The following LRP1B variants were observed in gnomAD, a reference collection of about 807,000 sequenced individuals.
The protein encoded by LRP1B is low-density lipoprotein receptor-related protein 1B.
A neutral mutation model predicts 556.6 loss-of-function variants in LRP1B; 217 were observed. That is an observed-to-expected ratio of 0.39 (90% CI 0.35 to 0.44). LRP1B has a LOEUF of 0.44. LRP1B is among the 20% of genes least tolerant of loss of function. LRP1B has a pLI of 1.00. For synonymous variants in LRP1B, 2,047 were observed against 1,865.8 expected (o/e 1.10, Z -2.50); for missense variants, 5,053 against 5,620.8 (o/e 0.90, Z 3.23).
At chr2:140,557,032 G>A (rs1216582826) in intron 43 of LRP1B, among the ~76,000 whole-genome samples, 1 of 152,040 alleles carries the variant, frequency 6.6e-6, no homozygotes, top group Admixed American at 6.6e-5. Context: ...AACTACTACG[G>A]GTTCTGACTA....
chr2:140,411,785 A>C (rs571074477), intron 66 of LRP1B, among the ~76,000 whole-genome samples: 1 of 152,280 alleles, frequency 6.6e-6, no homozygotes, highest in East Asian at 1.9e-4. Flanking sequence ...AACATGTATG[A>C]GAAAGTACCT....
At chr2:141,330,248 A>G (rs1687591606) in intron 3 of LRP1B, among the ~76,000 whole-genome samples, 1 of 152,210 alleles carries the variant, frequency 6.6e-6, no homozygotes, top group Non-Finnish European at 1.5e-5. Context: ...ATATGTCCCA[A>G]TTACATTTTT....
chr2:141,254,736 T>C (rs904920000), intron 3 of LRP1B, 95 bp from the exon 4 acceptor site: 12 of 920,274 alleles, frequency 1.3e-5, no homozygotes, highest in Non-Finnish European at 3.1e-6. Context: ...TAGTCTTGAT[T>C]GTTCTCCCAG....
At chr2:142,080,451 G>A (rs531425095) in intron 1 of LRP1B, among the ~76,000 whole-genome samples, 20 of 152,170 alleles carry the variant, frequency 1.3e-4, no homozygotes, top group African/African-American at 4.8e-4. Context: ...TCACATTTCG[G>A]TCTTTGTCTT....
intron 66 of LRP1B, among the ~76,000 whole-genome samples, chr2:140,399,870 T>C (rs892092558): frequency 6.6e-6 from 1 of 152,222 alleles, no homozygotes; most frequent in African/African-American, 2.4e-5. Flanking sequence ...TGTAAGCTAG[T>C]TTCTTGGCCC....
rs869235931 is a variant in LRP1B at position 140,843,100 on chromosome 2, G to GT, written c.4940-2009dup. ...TTTTTTGTTTGTTTTTTTTTTTTTT[G>GT]TTTTTTTTTTGGTGGTGGGGGGTGA... On this transcript the variant is annotated intron_variant, in intron 29 of 90. Coordinates refer to ENST00000389484, the MANE Select transcript of LRP1B (RefSeq NM_018557.3). Among the ~76,000 whole-genome samples, 26 of 27,976 alleles carry GT rather than the reference G, an allele frequency of 9.3e-4. 2 individuals carry two copies. Among genetic ancestry groups the GT allele is most frequent in the Middle Eastern group, 0.018 (1 of 56 alleles). The allele number at this position is 27,976 out of a possible 152,430, so 18.4% of individuals were successfully genotyped here.
intron 1 of LRP1B, among the ~76,000 whole-genome samples, chr2:141,898,881 A>G (rs1177872235): frequency 6.6e-6 from 1 of 152,128 alleles, no homozygotes; most frequent in Non-Finnish European, 1.5e-5. Flanking sequence ...AAGATGTGCA[A>G]CCCTGTCATT....
chr2:140,748,704 G>GTA (rs1302480467), intron 35 of LRP1B, among the ~76,000 whole-genome samples: 70 of 119,192 alleles, frequency 5.9e-4, no homozygotes, highest in South Asian at 2.0e-3. Context: ...TAAGTCCTAT[G>GTA]TATATATATA....
chr2:141,233,795 T>C (rs940545119), intron 5 of LRP1B, among the ~76,000 whole-genome samples: 5 of 152,216 alleles, frequency 3.3e-5, no homozygotes, highest in African/African-American at 4.8e-5. Context: ...CTAGTTTCCT[T>C]CTAAGTGATT....
chr2:141,298,345 A>G (rs915652552), intron 3 of LRP1B, among the ~76,000 whole-genome samples: 15 of 152,128 alleles, frequency 9.9e-5, no homozygotes, highest in Admixed American at 2.0e-4. Flanking sequence ...GCCACTCTAG[A>G]AAAACTAATC....
At chr2:140,866,124 A>T (rs962984156) in intron 27 of LRP1B, among the ~76,000 whole-genome samples, 4 of 152,146 alleles carry the variant, frequency 2.6e-5, no homozygotes, top group Non-Finnish European at 5.9e-5. Flanking sequence ...CTGAACATAC[A>T]AATTATTATT....
chr2:140,898,776 C>A, intron 23 of LRP1B: 1 of 576,738 alleles, frequency 1.7e-6, no homozygotes, highest in Non-Finnish European at 3.3e-6. Flanking sequence ...CTCTGGGAAC[C>A]AACTGGGAGC....
chr2:140,295,162 G>A (rs1284851564), intron 84 of LRP1B, among the ~76,000 whole-genome samples: 1 of 152,148 alleles, frequency 6.6e-6, no homozygotes, highest in Non-Finnish European at 1.5e-5. Context: ...ACAGGTGTGA[G>A]CCACTGCGCC....
chr2:140,335,886 A>T (rs1681066171), intron 77 of LRP1B, 48 bp from the exon 78 acceptor site: 1 of 1,219,578 alleles, frequency 8.2e-7, no homozygotes, highest in African/African-American at 1.5e-5. Context: ...ACAGGAAATT[A>T]GCGGAGTTTT....
chr2:141,254,051 A>G (rs1684369038), intron 4 of LRP1B, among the ~76,000 whole-genome samples: 1 of 152,128 alleles, frequency 6.6e-6, no homozygotes, highest in African/African-American at 2.4e-5. Context: ...GCAAGAATCC[A>G]GACATTTAAA....
chr2:140,863,487 T>C (rs1330665453), intron 27 of LRP1B, among the ~76,000 whole-genome samples: 2 of 152,224 alleles, frequency 1.3e-5, no homozygotes, highest in African/African-American at 4.8e-5. Context: ...TGCACACTTA[T>C]GTTTAACATC....
At chr2:141,776,669 T>A (rs1189829545) in intron 2 of LRP1B, among the ~76,000 whole-genome samples, 1 of 152,222 alleles carries the variant, frequency 6.6e-6, no homozygotes. Flanking sequence ...ATGATCATGT[T>A]CAAAATTTGA....
Position 140,239,497 on chromosome 2 carries a change from C to A in LRP1B, c.13360G>T (p.Val4454Leu), listed in dbSNP as rs1023891103. Reference sequence around the variant, plus strand: ...ATTACTAAGGTGGTTATCAAAGTCACCAAGAGGACGAGAGGCACAATGATG... The same window carrying A: ...ATTACTAAGGTGGTTATCAAAGTCAACAAGAGGACGAGAGGCACAATGATG... The part of the protein sequence containing the change: ...IAIIVPLVLL[V>L]TLITTLVIGL... Residue 4454 changes from valine to leucine, a missense_variant, in exon 88 of 91, where the codon GTG becomes TTG. By Grantham distance (32) the Val-to-Leu change is conservative. Coordinates refer to ENST00000389484, the MANE Select transcript of LRP1B (RefSeq NM_018557.3). 1 of 1,603,996 alleles carries A rather than the reference C, an allele frequency of 6.2e-7. No individual in the cohort carries two copies. The highest frequency in any genetic ancestry group is 1.3e-5 in the African/African-American group (1 of 74,118).
intron 84 of LRP1B, among the ~76,000 whole-genome samples, 179 bp from the exon 85 acceptor site, chr2:140,274,777 T>C (rs1048999689): frequency 7.1e-6 from 1 of 141,106 alleles, no homozygotes; most frequent in Non-Finnish European, 1.5e-5. Flanking sequence ...TTCTCCTCTT[T>C]GAATTAGGCA....
Sources: allele counts gnomAD v4.1 joint callset (sites outside exome capture counted in the v4.1 genomes callset), GRCh38; gene constraint gnomAD v4.1.1; transcripts MANE v1.5; gene names NCBI Gene and HGNC (gene_info 2026-07-23, HGNC 2026-07-21).